ZNF69: variants seen among roughly 807,000 people sequenced by gnomAD.
ZNF69 encodes the protein ZNF3.
Under a neutral mutation model 50.9 loss-of-function variants are expected in ZNF69, and 47 were observed. That is an observed-to-expected ratio of 0.92 (90% CI 0.73 to 1.18). The LOEUF (loss-of-function observed/expected upper bound fraction) is 1.18, where lower values mean the gene tolerates loss of function less well. Among genes scored for constraint, ZNF69 ranks in the 50% most tolerant of loss-of-function variants. The pLI, the probability that ZNF69 is intolerant of heterozygous loss-of-function variation, is 0.00. For synonymous variants in ZNF69, 216 were observed against 223.1 expected, an observed-to-expected ratio of 0.97 and a Z score of 0.29; for missense variants, 717 against 675.1, an observed-to-expected ratio of 1.06 and a Z score of -0.69.
chr19:11,947,239 T>G, the ZNF69 span: 1 of 1,614,104 alleles, frequency 6.2e-7, no homozygotes, highest in South Asian at 1.1e-5. Context: ...TGGACATTGC[T>G]GGATATTTCC....
chr19:11,946,948 A>G, the ZNF69 span: 4 of 791,890 alleles, frequency 5.1e-6, no homozygotes, highest in Non-Finnish European at 7.0e-6. Context: ...ATATCACGCC[A>G]TTGTACTCCA....
chr19:11,947,883 C>T, the ZNF69 span, among the ~76,000 whole-genome samples: 2 of 152,120 alleles, frequency 1.3e-5, no homozygotes, highest in South Asian at 2.1e-4. Context: ...GTGTATGCAT[C>T]GGTAGTCCCA....
rs768993954 is a variant in ZNF69 at position 11,905,629 on chromosome 19, C to T, written c.1232C>T (p.Thr411Ile). Residue 411 changes from threonine (T) to isoleucine (I), a missense_variant, in exon 4 of 4, where the codon ACT (threonine) becomes ATT (isoleucine). By Grantham distance (89) the Thr-to-Ile change is moderately conservative (BLOSUM62 -1). Transcript: ENST00000429654. ...CTTCGTTATCATGAAAGGATTCACA[C>T]TGGAGAGAAACCCTATGAGTGTAAG... ...SSLRYHERIH[T>I]GEKPYECKQC... 3 of 1,614,032 alleles carry T rather than the reference C, an allele frequency of 1.9e-6. No homozygotes were observed. The highest frequency in any genetic ancestry group is 2.2e-5 in the South Asian group (2 of 91,082).
chr19:11,978,429 G>A, the ZNF69 span: 2 of 1,614,166 alleles, frequency 1.2e-6, no homozygotes, highest in Admixed American at 3.3e-5. Flanking sequence ...TCACACCGGA[G>A]AGAAACCCTA....
the ZNF69 span, chr19:11,978,753 A>T: frequency 1.2e-6 from 2 of 1,614,078 alleles, no homozygotes; most frequent in East Asian, 4.5e-5. Context: ...ACATAAAAGA[A>T]CCCACACTGG....
rs1435618791 is a variant in ZNF69, at chr19:11,906,050, G to A, written c.1653G>A (p.Met551Ile). Residue 551 changes from methionine (M) to isoleucine (I), a missense_variant, in exon 4 of 4, where the codon ATG (methionine) becomes ATA (isoleucine). By Grantham distance (10) the Met-to-Ile change is conservative (BLOSUM62 1). Coordinates refer to ENST00000429654, the MANE Select transcript of ZNF69 (RefSeq NM_001364730.1). ...KAFRAASVLRMHGRTHPEDKP... is the reference protein window; with the variant it reads ...KAFRAASVLRIHGRTHPEDKP... ...TCAGAGCTGCCTCAGTCCTTCGAAT[G>A]CATGGTAGGACTCACCCTGAAGATA... The A allele has an allele frequency of 1.9e-6, 3 of 1,613,150 alleles. No homozygotes were observed. The highest frequency in any genetic ancestry group is 3.3e-4 in the Middle Eastern group (2 of 6,078).
the ZNF69 span, chr19:11,961,730 C>G: frequency 6.6e-6 from 1 of 152,182 alleles, no homozygotes; most frequent in African/African-American, 2.4e-5. Flanking sequence ...ATTCTCCTGC[C>G]TCAGCCTCCA....
chr19:11,908,999 G>A (rs901140487), downstream of ZNF69, among the ~76,000 whole-genome samples: 8 of 152,056 alleles, frequency 5.3e-5, no homozygotes, highest in African/African-American at 1.7e-4. Context: ...TATCACCACC[G>A]ATCCCACAGA....
At chr19:11,909,869 G>A (rs951571402), downstream of ZNF69, among the ~76,000 whole-genome samples, 15 of 151,060 alleles carry the variant, frequency 9.9e-5, no homozygotes, top group African/African-American at 3.7e-4. Flanking sequence ...TAGGAAAAGA[G>A]GAAGTCAAAT....
chr19:11,934,061 G>A, the ZNF69 span, among the ~76,000 whole-genome samples: 11 of 147,610 alleles, frequency 7.5e-5, 1 homozygote, highest in Non-Finnish European at 1.6e-4. Flanking sequence ...GGCTCATCTT[G>A]AGCCTGGTGT....
chr19:11,947,610 T>C, the ZNF69 span: 3 of 1,560,042 alleles, frequency 1.9e-6, no homozygotes, highest in Non-Finnish European at 2.6e-6. Context: ...AGTGTCTCTC[T>C]GCACAATCTT....
At chr19:11,975,880 C>A in the ZNF69 span, among the ~76,000 whole-genome samples, 1 of 151,980 alleles carries the variant, frequency 6.6e-6, no homozygotes, top group East Asian at 1.9e-4. Flanking sequence ...ACTGGAGTTT[C>A]TTGTTTGCCC....
chr19:11,907,074 A>G (rs1189010346), downstream of ZNF69, among the ~76,000 whole-genome samples: 3 of 152,210 alleles, frequency 2.0e-5, no homozygotes, highest in African/African-American at 4.8e-5. Context: ...AAGAAAAGGT[A>G]TCAGTAATTG....
At position 11,892,109 on chromosome 19, in the gene ZNF69, C is replaced by T. The variant is rs544925899; in HGVS notation, c.63+4123C>T. 2.1e-3 allele frequency among the ~76,000 whole-genome samples: 315 copies of T among 150,656 alleles called. 1 individual carries two copies. Among genetic ancestry groups the T allele is most frequent in the African/African-American group, 6.8e-3 (276 of 40,842 alleles). Reference sequence around the variant, plus strand: ...TCAGCCTCCCAAGTAGCTGAGACTACAGTCGCCCACCAGCACTCCTGGCTG... The same window carrying T: ...TCAGCCTCCCAAGTAGCTGAGACTATAGTCGCCCACCAGCACTCCTGGCTG... On this transcript the variant is annotated intron_variant, in intron 1 of 3. Coordinates refer to ENST00000429654, the MANE Select transcript of ZNF69 (RefSeq NM_001364730.1).
Position 11,905,425 on chromosome 19 carries a change from C to T in ZNF69, c.1028C>T (p.Ser343Phe). 6.2e-7 allele frequency: 1 copy of T among 1,614,206 alleles called. No homozygotes were observed. The highest frequency in any genetic ancestry group is 8.5e-7 in the Non-Finnish European group (1 of 1,180,042). The change falls in exon 4 of 4, where the codon TCT (serine) becomes TTT (phenylalanine). Residue 343 changes from serine (S) to phenylalanine (F), a missense_variant. Ser to Phe is a radical substitution (Grantham distance 155). Coordinates refer to ENST00000429654, the MANE Select transcript of ZNF69 (RefSeq NM_001364730.1). ...ECTQCGKALS[S>F]LTSFQTHIRM... ...ACGCAGTGTGGGAAAGCATTATCCTCTCTTACAAGTTTTCAAACACACATA... is the reference window on the plus strand; with the variant it reads ...ACGCAGTGTGGGAAAGCATTATCCTTTCTTACAAGTTTTCAAACACACATA...
chr19:11,949,152 A>G, the ZNF69 span: 1 of 1,612,664 alleles, frequency 6.2e-7, no homozygotes, highest in African/African-American at 1.3e-5. Flanking sequence ...CTGCCAAGTC[A>G]TTTCAAACAC....
the ZNF69 span, chr19:11,948,774 T>C: frequency 6.2e-7 from 1 of 1,611,446 alleles, no homozygotes; most frequent in Admixed American, 1.7e-5. Flanking sequence ...AGAAACCATA[T>C]GAATGTAAAC....
intron 4 of ZNF69, among the ~76,000 whole-genome samples, chr19:11,912,993 C>G (rs762370977): frequency 2.6e-5 from 4 of 152,126 alleles, no homozygotes; most frequent in African/African-American, 7.2e-5. Context: ...GCCAGGAGAT[C>G]GAGACCATCC....
downstream of ZNF69, among the ~76,000 whole-genome samples, chr19:11,917,789 C>CTTTTTTTT (rs74965943): frequency 4.1e-4 from 45 of 110,660 alleles, 1 homozygote; most frequent in South Asian, 5.4e-4. Flanking sequence ...CCACACCCTG[C>CTTTTTTTT]TTTTTTTTTT....
Sources: allele counts gnomAD v4.1 joint callset (sites outside exome capture counted in the v4.1 genomes callset), GRCh38; gene constraint gnomAD v4.1.1; transcripts MANE v1.5; gene names NCBI Gene and HGNC (gene_info 2026-07-23, HGNC 2026-07-21).